Variants in RALGPS2 observed in about 807,000 individuals in gnomAD.
The protein encoded by RALGPS2 is ras-specific guanine nucleotide-releasing factor RalGPS2.
In RALGPS2, 43 loss-of-function variants were observed where a neutral mutation model predicts 86.8. The observed-to-expected ratio is 0.50, with a 90% CI of 0.39 to 0.64. RALGPS2 has a LOEUF of 0.64. Ranked by LOEUF, RALGPS2 falls within the 30% of genes least tolerant of loss-of-function variation. The pLI, the probability that RALGPS2 is intolerant of heterozygous loss-of-function variation, is 0.00. For synonymous variants in RALGPS2, 243 were observed against 231.3 expected (o/e 1.05, Z -0.46); for missense variants, 536 against 694.6 (o/e 0.77, Z 2.57).
chr1:178,906,133 G>A (rs922952710), intron 18 of RALGPS2, among the ~76,000 whole-genome samples: 4 of 152,132 alleles, frequency 2.6e-5, no homozygotes, highest in Non-Finnish European at 4.4e-5. Context: ...AGCACTTTGG[G>A]AAGCCAAGGC....
At chr1:178,907,941 GT>G (rs760418391) in intron 19 of RALGPS2, among the ~76,000 whole-genome samples, 5 of 152,064 alleles carry the variant, frequency 3.3e-5, no homozygotes, top group Non-Finnish European at 5.9e-5. Context: ...CTTTTTGTTT[GT>G]TTTTTGACTT....
intron 8 of RALGPS2, among the ~76,000 whole-genome samples, chr1:178,863,242 A>G (rs1658155971): frequency 6.6e-6 from 1 of 152,162 alleles, no homozygotes; most frequent in South Asian, 2.1e-4. Context: ...TGGACTGTGT[A>G]TGGGGCAGCT....
At chr1:178,907,550 G>A (rs1660439565) in intron 19 of RALGPS2, among the ~76,000 whole-genome samples, 1 of 152,132 alleles carries the variant, frequency 6.6e-6, no homozygotes, top group Non-Finnish European at 1.5e-5. Context: ...CCATTGTGTT[G>A]TTTTCCCCAA....
rs1236819076 is a variant in RALGPS2, at chr1:178,917,317, A to G, written c.*958A>G. Reference sequence around the variant, plus strand: ...GTCATAGGTGGTTTTTATCATCAAGACAGACTGATATTTTGTCAGGATATT... The same window carrying G: ...GTCATAGGTGGTTTTTATCATCAAGGCAGACTGATATTTTGTCAGGATATT... On this transcript the variant is annotated 3_prime_UTR_variant, in exon 20 of 20. Coordinates refer to ENST00000367635, the MANE Select transcript of RALGPS2 (RefSeq NM_152663.5). 1 of 152,156 alleles carries G rather than the reference A, an allele frequency of 6.6e-6. No homozygotes were observed. The highest frequency in any genetic ancestry group is 1.5e-5 in the Non-Finnish European group (1 of 68,014). The allele number at this position is 152,156 out of a possible 1,614,324, so 9.4% of individuals were successfully genotyped here. A position where few individuals can be genotyped will look rare whatever the true frequency, so the allele number is the denominator to read the frequency against.
At chr1:178,910,523 T>C (rs1456415300) in intron 19 of RALGPS2, among the ~76,000 whole-genome samples, 1 of 152,224 alleles carries the variant, frequency 6.6e-6, no homozygotes, top group Non-Finnish European at 1.5e-5. Flanking sequence ...GATGATCATA[T>C]GGTTTTCTGT....
chr1:178,816,083 GAA>G (rs1290993815), intron 6 of RALGPS2, among the ~76,000 whole-genome samples: 2 of 152,100 alleles, frequency 1.3e-5, no homozygotes, highest in African/African-American at 4.8e-5. Context: ...TTATACCTAG[GAA>G]TGGTGGACTT....
chr1:178,735,337 C>T (rs920682720), intron 1 of RALGPS2, among the ~76,000 whole-genome samples: 1 of 151,876 alleles, frequency 6.6e-6, no homozygotes, highest in Non-Finnish European at 1.5e-5. Context: ...GAAGCATGAG[C>T]ATGGTGTTTA....
At chr1:178,807,920 A>G in intron 4 of RALGPS2, 125 bp from the exon 5 acceptor site, 1 of 703,446 alleles carries the variant, frequency 1.4e-6, no homozygotes, top group South Asian at 1.6e-5. Context: ...AATATTATGT[A>G]TGTTCCCATT....
intron 1 of RALGPS2, among the ~76,000 whole-genome samples, chr1:178,765,343 A>AG (rs1333425568): frequency 6.6e-6 from 1 of 152,104 alleles, no homozygotes; most frequent in Non-Finnish European, 1.5e-5. Context: ...CTGGGTGTCC[A>AG]GGGGAGACTT....
At chr1:178,885,001 C>A in intron 11 of RALGPS2, 75 bp from the exon 12 acceptor site, 5 of 1,412,308 alleles carry the variant, frequency 3.5e-6, no homozygotes, top group Non-Finnish European at 4.7e-6. Flanking sequence ...AAATTTGAAC[C>A]ACATTTAATA....
At chr1:178,802,252 A>C (rs1032032460) in intron 4 of RALGPS2, among the ~76,000 whole-genome samples, 1 of 152,168 alleles carries the variant, frequency 6.6e-6, no homozygotes, top group African/African-American at 2.4e-5. Flanking sequence ...GGAAAAATAC[A>C]TTTACAGTAC....
intron 13 of RALGPS2, among the ~76,000 whole-genome samples, chr1:178,886,526 G>A (rs889489374): frequency 2.0e-5 from 3 of 152,150 alleles, no homozygotes; most frequent in Non-Finnish European, 4.4e-5. Context: ...GTGAATTTGG[G>A]GAATCAGGTG....
intron 15 of RALGPS2, among the ~76,000 whole-genome samples, chr1:178,893,103 T>C (rs1033499292): frequency 1.3e-5 from 2 of 152,142 alleles, no homozygotes; most frequent in African/African-American, 4.8e-5. Context: ...TTATAGGAAT[T>C]CTGCAGCTCA....
rs185183061 is a variant in RALGPS2, at chr1:178,785,879, T to C, written c.213+272T>C. Among the ~76,000 whole-genome samples, 291 of 152,156 alleles carry C rather than the reference T, an allele frequency of 1.9e-3. 2 individuals carry two copies. Among genetic ancestry groups the C allele is most frequent in the African/African-American group, 6.8e-3 (281 of 41,550 alleles). Reference sequence around the variant, plus strand: ...CAGTGAAAACTCTTTCTATAACTTTTGATTCCCTGCAAACTTAACTTCAAA... The same window carrying C: ...CAGTGAAAACTCTTTCTATAACTTTCGATTCCCTGCAAACTTAACTTCAAA... On this transcript the variant is annotated intron_variant, in intron 4 of 19. Transcript: ENST00000367635.
At position 178,830,211 on chromosome 1, in the gene RALGPS2, A is replaced by T. The variant is rs116732456; in HGVS notation, c.481-3213A>T. 2.5e-3 allele frequency among the ~76,000 whole-genome samples: 376 copies of T among 152,342 alleles called. 2 individuals are homozygous for T. The highest frequency in any genetic ancestry group is 4.4e-3 in the Non-Finnish European group (297 of 68,032). On this transcript the variant is annotated intron_variant, in intron 7 of 19. Coordinates refer to ENST00000367635, the MANE Select transcript of RALGPS2 (RefSeq NM_152663.5). Reference sequence around the variant, plus strand: ...TATATGCAATTTAAATTTGTCAGTTATACCCCAGTACTGCTGGTGGAAGAT... The same window carrying T: ...TATATGCAATTTAAATTTGTCAGTTTTACCCCAGTACTGCTGGTGGAAGAT...
chr1:178,750,578 C>T (rs1368423498), intron 1 of RALGPS2, among the ~76,000 whole-genome samples: 1 of 152,128 alleles, frequency 6.6e-6, no homozygotes, highest in African/African-American at 2.4e-5. Context: ...AATAAGGCAA[C>T]CTTAGCTTTT....
At chr1:178,878,163 T>C (rs1572442304) in intron 9 of RALGPS2, among the ~76,000 whole-genome samples, 1 of 152,246 alleles carries the variant, frequency 6.6e-6, no homozygotes, top group East Asian at 1.9e-4. Context: ...TTGTCCAACA[T>C]GTATTTTATG....
intron 16 of RALGPS2, among the ~76,000 whole-genome samples, chr1:178,896,009 G>T (rs1659924634): frequency 1.3e-5 from 2 of 151,900 alleles, no homozygotes; most frequent in Non-Finnish European, 2.9e-5. Flanking sequence ...GTTGGAGATG[G>T]GGCTCTGTAG....
At chr1:178,865,613 A>G (rs760804077) in intron 8 of RALGPS2, 8 of 1,613,986 alleles carry the variant, frequency 5.0e-6, no homozygotes, top group Non-Finnish European at 5.9e-6. Context: ...TTGTTCAGGT[A>G]CCAGGAATGT....
Sources: gnomAD v4.1 joint callset for allele counts (sites outside exome capture counted in the v4.1 genomes callset) on GRCh38, gnomAD v4.1.1 for gene constraint, MANE v1.5 for transcripts, NCBI Gene and HGNC (gene_info 2026-07-23, HGNC 2026-07-21) for gene names.